PCDHGA7: variants seen among roughly 807,000 people sequenced by gnomAD.
The protein encoded by PCDHGA7 is protocadherin gamma subfamily A, 7.
A neutral mutation model predicts 58.3 loss-of-function variants in PCDHGA7; 44 were observed. That is an observed-to-expected ratio of 0.75 (90% CI 0.59 to 0.97). The LOEUF (loss-of-function observed/expected upper bound fraction) is 0.97. PCDHGA7 is among the 50% of genes least tolerant of loss of function. PCDHGA7 has a pLI of 0.00. For synonymous variants in PCDHGA7, 516 were observed against 504.2 expected (o/e 1.02, Z -0.31); for missense variants, 1,266 against 1,188.7 (o/e 1.06, Z -0.96).
chr5:141,474,986 A>G (rs1328341214), intron 1 of PCDHGA7, among the ~76,000 whole-genome samples: 1 of 152,238 alleles, frequency 6.6e-6, no homozygotes, highest in Non-Finnish European at 1.5e-5. Context: ...GTTTGGTGAC[A>G]ACAATTCTAA....
Position 141,486,639 on chromosome 5 carries a change from T to G in PCDHGA7, c.2425-8168T>G, listed in dbSNP as rs1250700423. ...GACCCAGACTCTGGCTTGAATGCGC[T>G]TATCTCCTACTCACTCCTGGAGCCC... On this transcript the variant is annotated intron_variant, in intron 1 of 3. Transcript: ENST00000518325. The surrounding 1 kb of genome is among the most constrained non-coding windows in gnomAD (Gnocchi z 5.0). The G allele has an allele frequency of 6.2e-7, 1 of 1,613,818 alleles. No individual in the cohort carries two copies. The highest frequency in any genetic ancestry group is 1.1e-5 in the South Asian group (1 of 91,084).
chr5:141,404,142 C>CAGA (rs781433913), intron 1 of PCDHGA7: 9 of 1,612,668 alleles, frequency 5.6e-6, no homozygotes, highest in Non-Finnish European at 6.8e-6. Flanking sequence ...TTAGAAAATT[C>CAGA]AGAAGAAGAT....
intron 1 of PCDHGA7, chr5:141,478,694 T>G: frequency 1.3e-6 from 2 of 1,550,598 alleles, no homozygotes; most frequent in Non-Finnish European, 1.7e-6. Context: ...TAGATCAAAG[T>G]TAGTGCCTTT....
In PCDHGA7 at chr5:141,400,030, C is replaced by T. The variant is rs201599536; in HGVS notation, c.2424+14707C>T. 180 of 1,613,050 alleles carry T rather than the reference C, an allele frequency of 1.1e-4. No individual in the cohort carries two copies. Among genetic ancestry groups the T allele is most frequent in the East Asian group, 1.6e-4 (7 of 44,886 alleles). On this transcript the variant is annotated intron_variant, in intron 1 of 3. Coordinates refer to ENST00000518325, the MANE Select transcript of PCDHGA7 (RefSeq NM_018920.4). Reference sequence around the variant, plus strand: ...TGCCTTGGGCGACAGGGACGCGGCCCGCCAGCGCCTGCTGGTTGCTGTGCG... The same window carrying T: ...TGCCTTGGGCGACAGGGACGCGGCCTGCCAGCGCCTGCTGGTTGCTGTGCG...
intron 1 of PCDHGA7, chr5:141,415,199 T>C (rs761532551): frequency 1.7e-5 from 28 of 1,613,880 alleles, no homozygotes; most frequent in Non-Finnish European, 2.4e-5. Flanking sequence ...ATCCCCCAAG[T>C]CCTGGCGGAC....
At position 141,498,971 on chromosome 5, in the gene PCDHGA7, G is replaced by GGGAAGGAAGGAA. The variant is rs201769957; in HGVS notation, c.2483+4152_2483+4163dup. On this transcript the variant is annotated intron_variant, in intron 2 of 3. Coordinates refer to ENST00000518325, the MANE Select transcript of PCDHGA7 (RefSeq NM_018920.4). ...AAAAAGAGAGAGAGGGAGGGAGGGA[G>GGGAAGGAAGGAA]GGAAGGAAGGAAGGAAGGAAGGAAG... 6.8e-3 allele frequency among the ~76,000 whole-genome samples: 758 copies of GGGAAGGAAGGAA among 111,036 alleles called. 12 individuals are homozygous for GGGAAGGAAGGAA. Among genetic ancestry groups the GGGAAGGAAGGAA allele is most frequent in the African/African-American group, 0.021 (585 of 27,816 alleles). 72.8% of individuals were successfully genotyped at this position (111,036 alleles called of 152,430 possible). A position where few individuals can be genotyped will look rare whatever the true frequency, so the allele number is the denominator to read the frequency against.
chr5:141,403,220 A>G (rs1340190547), intron 1 of PCDHGA7: 1 of 1,613,824 alleles, frequency 6.2e-7, no homozygotes, highest in Non-Finnish European at 8.5e-7. Context: ...CGCGGGTAGG[A>G]TAGACCGGGA....
At chr5:141,396,830 G>C (rs1014090361) in intron 1 of PCDHGA7, among the ~76,000 whole-genome samples, 1 of 152,198 alleles carries the variant, frequency 6.6e-6, no homozygotes, top group African/African-American at 2.4e-5. Flanking sequence ...TGCATATTCA[G>C]TGGAGTGGGA....
At position 141,431,421 on chromosome 5, in the gene PCDHGA7, T is replaced by A. The variant is rs2097372202; in HGVS notation, c.2424+46098T>A. On this transcript the variant is annotated intron_variant, in intron 1 of 3. Transcript: ENST00000518325. The surrounding 1 kb of genome is among the most constrained non-coding windows in gnomAD (Gnocchi z 4.8). The stretch of plus-strand genomic sequence containing the variant: ...ACGGCCTCCGACGGGGGCGACCCGG[T>A]GCGCACAGGCACCGCGCGCATCCGC... 1 of 1,613,580 alleles carries A rather than the reference T, an allele frequency of 6.2e-7. No individual in the cohort carries two copies. The highest frequency in any genetic ancestry group is 1.1e-5 in the South Asian group (1 of 91,082).
chr5:141,464,655 G>T (rs1326749316), intron 1 of PCDHGA7, among the ~76,000 whole-genome samples: 1 of 152,070 alleles, frequency 6.6e-6, no homozygotes. Flanking sequence ...TGGGTAAAAA[G>T]ATATCTCCAA....
At chr5:141,415,736 TAAGG>T (rs2095905512) in intron 1 of PCDHGA7, 1 of 1,289,864 alleles carries the variant, frequency 7.8e-7, no homozygotes, top group Admixed American at 3.4e-5. Flanking sequence ...TGATGTTTAT[TAAGG>T]TTTTTTTTTT....
rs748223478 is a variant in PCDHGA7 at position 141,415,687 on chromosome 5, G to T, written c.2424+30364G>T. ...TTACTTTGAAGTTTGCGGCATGATG[G>T]TGGAAAGTGTAAATGCTAAAACACT... On this transcript the variant is annotated intron_variant, in intron 1 of 3. Coordinates refer to ENST00000518325, the MANE Select transcript of PCDHGA7 (RefSeq NM_018920.4). 1.1e-5 allele frequency: 17 copies of T among 1,535,300 alleles called. No individual in the cohort carries two copies. In the South Asian group the frequency reaches 1.3e-4, roughly 12 times the overall value.
At chr5:141,459,723 T>G (rs1024452676) in intron 1 of PCDHGA7, among the ~76,000 whole-genome samples, 3 of 152,254 alleles carry the variant, frequency 2.0e-5, no homozygotes, top group African/African-American at 7.2e-5. Context: ...ATGCTTCCTA[T>G]TGTCAATTTT....
chr5:141,501,425 G>A (rs1444899306), intron 2 of PCDHGA7, among the ~76,000 whole-genome samples: 1 of 151,726 alleles, frequency 6.6e-6, no homozygotes, highest in Non-Finnish European at 1.5e-5. Flanking sequence ...TTGACTAAAT[G>A]TAGTCCATTT....
At chr5:141,418,381 T>C in intron 1 of PCDHGA7, 3 of 1,613,998 alleles carry the variant, frequency 1.9e-6, no homozygotes, top group Non-Finnish European at 2.5e-6. Flanking sequence ...AACTAAGTCC[T>C]AACGAGTATT....
intron 1 of PCDHGA7, chr5:141,441,728 G>T: frequency 2.8e-6 from 1 of 361,966 alleles, no homozygotes. Flanking sequence ...CCCGCGACCA[G>T]GACTAGCTCG....
chr5:141,477,890 C>A lies in PCDHGA7; in HGVS notation c.2425-16917C>A, dbSNP rs202114426. On this transcript the variant is annotated intron_variant, in intron 1 of 3. Transcript: ENST00000518325. This position sits in a 1 kb window ranked among gnomAD's most constrained non-coding sequence, Gnocchi z 4.9. ...TACCTCAGCTGGCCACCTAGTGTCA[C>A]GGGTGGTAGGCTGGGACGCGGATGC... is the stretch of plus-strand genomic sequence containing the variant. 3.1e-6 allele frequency: 5 copies of A among 1,614,204 alleles called. 1 individual carries two copies. In the Admixed American group the frequency reaches 8.3e-5, roughly 27 times the overall value.
chr5:141,486,322 A>G lies in PCDHGA7; in HGVS notation c.2425-8485A>G. The G allele has an allele frequency of 1.9e-6, 3 of 1,613,926 alleles. No homozygotes were observed. The highest frequency in any genetic ancestry group is 2.5e-6 in the Non-Finnish European group (3 of 1,179,962). On this transcript the variant is annotated intron_variant, in intron 1 of 3. Coordinates refer to ENST00000518325, the MANE Select transcript of PCDHGA7 (RefSeq NM_018920.4). This position sits in a 1 kb window ranked among gnomAD's most constrained non-coding sequence, Gnocchi z 5.0. ...AGGATCCAGACTCAGGGTCAAACGG[A>G]GATGTGAGCCTCCGCATTCCTGACC...
intron 1 of PCDHGA7, chr5:141,409,257 T>C: frequency 6.2e-7 from 1 of 1,614,022 alleles, no homozygotes; most frequent in Non-Finnish European, 8.5e-7. Flanking sequence ...ATCACTTCTC[T>C]CTCTGATCAG....
Sources: gnomAD v4.1 joint callset for allele counts (sites outside exome capture counted in the v4.1 genomes callset) on GRCh38, gnomAD v4.1.1 for gene constraint, Gnocchi (gnomAD v3.1) non-coding constraint, MANE v1.5 for transcripts, NCBI Gene and HGNC (gene_info 2026-07-23, HGNC 2026-07-21) for gene names.